PCDHA13: variants seen among roughly 807,000 people sequenced by gnomAD.
PCDHA13 encodes the protein protocadherin alpha-13.
Under a neutral mutation model 64.8 loss-of-function variants are expected in PCDHA13, and 54 were observed. That is an observed-to-expected ratio of 0.83 (90% CI 0.67 to 1.04). The LOEUF (loss-of-function observed/expected upper bound fraction) is 1.04. Ranked by LOEUF, PCDHA13 falls within the 50% of genes least tolerant of loss-of-function variation. The pLI is 0.00. For missense variants in PCDHA13, 1,248 were observed against 1,254.3 expected (o/e 0.99, Z 0.08); for synonymous variants, 587 against 564.4 (o/e 1.04, Z -0.57).
chr5:140,924,096 T>C (rs1044149112), intron 1 of PCDHA13, among the ~76,000 whole-genome samples: 1 of 152,222 alleles, frequency 6.6e-6, no homozygotes, highest in Non-Finnish European at 1.5e-5. Context: ...AAAGAATAAA[T>C]TTTCATTCCA....
intron 1 of PCDHA13, chr5:140,968,079 C>T (rs782150880): frequency 5.0e-6 from 8 of 1,614,142 alleles, no homozygotes; most frequent in Admixed American, 3.3e-5. Flanking sequence ...TACAACATCA[C>T]GGTGACAGCC....
chr5:140,979,053 T>A (rs1429544807), intron 2 of PCDHA13, 46 bp downstream of exon 2: 3 of 1,610,104 alleles, frequency 1.9e-6, no homozygotes, highest in Admixed American at 3.4e-5. Context: ...CTTAACTTGG[T>A]ATGGCTCAGA....
At chr5:140,928,309 G>C in intron 1 of PCDHA13, 1 of 1,614,124 alleles carries the variant, frequency 6.2e-7, no homozygotes, top group Non-Finnish European at 8.5e-7. Flanking sequence ...CCAGGACCCC[G>C]ACCTGGGGAA....
Position 140,882,698 on chromosome 5 carries a change from G to C in PCDHA13, c.430G>C (p.Glu144Gln). Reference sequence around the variant, plus strand: ...AAGCAAGAAACGAATAATCATTGCAGAATCTAGACCTCCGGAAACTCGATT... The same window carrying C: ...AAGCAAGAAACGAATAATCATTGCACAATCTAGACCTCCGGAAACTCGATT... ...PESKKRIIIA[E>Q]SRPPETRFPL... Residue 144 changes from glutamate (E) to glutamine (Q), a missense_variant, in exon 1 of 4, where the codon GAA becomes CAA. By Grantham distance (29) the Glu-to-Gln change is conservative (BLOSUM62 2). Coordinates refer to ENST00000289272, the MANE Select transcript of PCDHA13 (RefSeq NM_018904.3). 2 of 1,614,200 alleles carry C rather than the reference G, an allele frequency of 1.2e-6. No homozygotes were observed. The highest frequency in any genetic ancestry group is 1.7e-6 in the Non-Finnish European group (2 of 1,180,036).
intron 1 of PCDHA13, among the ~76,000 whole-genome samples, chr5:140,946,707 A>C (rs2094013917): frequency 6.7e-6 from 1 of 150,204 alleles, no homozygotes; most frequent in East Asian, 1.9e-4. Context: ...TCTGGAGGTC[A>C]TTATGTTTAG....
intron 2 of PCDHA13, among the ~76,000 whole-genome samples, chr5:140,980,627 T>C (rs1482574235): frequency 6.6e-6 from 1 of 151,860 alleles, no homozygotes; most frequent in African/African-American, 2.4e-5. Context: ...AGACTCTGTC[T>C]CAGAAGAATA....
chr5:140,966,859 G>A, intron 1 of PCDHA13: 1 of 1,577,136 alleles, frequency 6.3e-7, no homozygotes. Flanking sequence ...TCCTGCTGCT[G>A]TTGCTGCTGC....
intron 1 of PCDHA13, chr5:140,969,591 T>C: frequency 2.4e-6 from 2 of 829,486 alleles, no homozygotes; most frequent in South Asian, 2.0e-5. Context: ...TTAGTCTTAA[T>C]ATTTAATGCT....
intron 1 of PCDHA13, among the ~76,000 whole-genome samples, chr5:140,914,395 C>G (rs781878941): frequency 6.6e-6 from 1 of 152,082 alleles, no homozygotes; most frequent in African/African-American, 2.4e-5. Context: ...TGTAGTTACC[C>G]CTGCTCCTGT....
At chr5:140,999,620 G>A (rs184259991) in intron 3 of PCDHA13, among the ~76,000 whole-genome samples, 6 of 152,262 alleles carry the variant, frequency 3.9e-5, no homozygotes, top group African/African-American at 1.2e-4. Flanking sequence ...TATCAACCAG[G>A]AAACAAGGTA....
At chr5:140,962,207 A>G (rs1364251526) in intron 1 of PCDHA13, among the ~76,000 whole-genome samples, 13 of 152,236 alleles carry the variant, frequency 8.5e-5, no homozygotes, top group Admixed American at 3.3e-4. Flanking sequence ...CTATCTCCTT[A>G]TTGATCTTGA....
At position 140,882,935 on chromosome 5, in the gene PCDHA13, ACTGGCACAGTTCAG is replaced by A. The variant is rs2153388631; in HGVS notation, c.671_684del (p.Gly224AlafsTer9). ...CAGTGATGGAGGTAAACCCGAGCTG[ACTGGCACAGTTCAG>A]CTGCTCATCACGATTCTGGACGTGA... On this transcript the variant is annotated frameshift_variant, in exon 1 of 4. Coordinates refer to ENST00000289272, the MANE Select transcript of PCDHA13 (RefSeq NM_018904.3). LOFTEE classifies it high-confidence loss of function. 6.2e-7 allele frequency: 1 copy of A among 1,614,238 alleles called. No individual in the cohort carries two copies. Among genetic ancestry groups the A allele is most frequent in the East Asian group, 2.2e-5 (1 of 44,884 alleles).
rs1222255074 is a variant in PCDHA13 at position 141,012,119 on chromosome 5, A to G, written c.*2182A>G. ...CATTTTGCCCCACTGAAGCCCATGT[A>G]TCTGACCTTACGTGCCTTTTGAACT... On this transcript the variant is annotated 3_prime_UTR_variant, in exon 4 of 4. Coordinates refer to ENST00000289272, the MANE Select transcript of PCDHA13 (RefSeq NM_018904.3). 6.5e-6 allele frequency: 1 copy of G among 153,734 alleles called. No individual in the cohort carries two copies. Among genetic ancestry groups the G allele is most frequent in the African/African-American group, 2.4e-5 (1 of 41,454 alleles). 9.5% of individuals were successfully genotyped at this position (153,734 alleles called of 1,614,324 possible). A position where few individuals can be genotyped will look rare whatever the true frequency, so the allele number is the denominator to read the frequency against.
At chr5:140,971,038 A>G (rs948457676) in intron 1 of PCDHA13, among the ~76,000 whole-genome samples, 4 of 152,216 alleles carry the variant, frequency 2.6e-5, no homozygotes, top group Non-Finnish European at 5.9e-5. Context: ...GAAAGCACGT[A>G]AAAGGGTTTA....
intron 1 of PCDHA13, among the ~76,000 whole-genome samples, chr5:140,973,841 G>A (rs2096604649): frequency 6.6e-6 from 1 of 152,188 alleles, no homozygotes; most frequent in Admixed American, 6.5e-5. Context: ...CTTGCTTGTT[G>A]CCTACCAATT....
At chr5:140,925,556 T>C (rs1421287870) in intron 1 of PCDHA13, among the ~76,000 whole-genome samples, 2 of 151,752 alleles carry the variant, frequency 1.3e-5, no homozygotes, top group African/African-American at 4.8e-5. Flanking sequence ...AAATGACAAG[T>C]TAATGGGTGC....
chr5:140,928,223 A>G (rs2085050678), intron 1 of PCDHA13: 1 of 1,614,178 alleles, frequency 6.2e-7, no homozygotes. Flanking sequence ...AATACACCAA[A>G]CTTTCCTCAA....
intron 1 of PCDHA13, among the ~76,000 whole-genome samples, chr5:140,886,431 ATTTG>A (rs1272820447): frequency 6.6e-6 from 1 of 152,012 alleles, no homozygotes; most frequent in East Asian, 1.9e-4. Context: ...ATTTCTATTC[ATTTG>A]TTTGTACTAA....
intron 1 of PCDHA13, among the ~76,000 whole-genome samples, chr5:140,920,549 G>A (rs957534849): frequency 2.6e-5 from 4 of 152,120 alleles, no homozygotes; most frequent in Non-Finnish European, 5.9e-5. Flanking sequence ...TTTCACCTTC[G>A]AAGTGTGGCC....
Sources: gnomAD v4.1 joint callset for allele counts (sites outside exome capture counted in the v4.1 genomes callset) on GRCh38, gnomAD v4.1.1 for gene constraint, MANE v1.5 for transcripts, NCBI Gene and HGNC (gene_info 2026-07-23, HGNC 2026-07-21) for gene names.